Variants in SPACA6 observed in about 807,000 individuals in gnomAD.
SPACA6 encodes the protein sperm acrosome associated 6, also known as sperm acrosome membrane-associated protein 6.
For synonymous variants in SPACA6, 6 were observed against 1.5 expected, an observed-to-expected ratio of 4.05 and a Z score of -2.21; for missense variants, 8 against 2.8, an observed-to-expected ratio of 2.88 and a Z score of -1.34.
upstream of SPACA6, among the ~76,000 whole-genome samples, chr19:51,684,508 C>T (rs930030431): frequency 8.5e-5 from 13 of 152,092 alleles, no homozygotes; most frequent in Admixed American, 5.2e-4. Context: ...AGCCCAGACC[C>T]GACAACAATG....
downstream of SPACA6, among the ~76,000 whole-genome samples, chr19:51,712,862 C>A (rs1247661441): frequency 6.6e-6 from 1 of 152,206 alleles, no homozygotes; most frequent in Non-Finnish European, 1.5e-5. Context: ...GCACCATCTG[C>A]AGTACCTGCC....
chr19:51,689,586 A>G (rs2083352207), upstream of SPACA6: 1 of 131,226 alleles, frequency 7.6e-6, no homozygotes, highest in African/African-American at 2.9e-5. Flanking sequence ...GGGAGCCGTG[A>G]GTCTGCGGAA....
upstream of SPACA6, among the ~76,000 whole-genome samples, chr19:51,691,285 G>A (rs2083370048): frequency 1.3e-5 from 2 of 151,662 alleles, no homozygotes; most frequent in Admixed American, 1.3e-4. Context: ...GGGAAGGAGA[G>A]AGAGAGGGAG....
chr19:51,709,507 A>C (rs1041526944), downstream of SPACA6, among the ~76,000 whole-genome samples: 60 of 142,048 alleles, frequency 4.2e-4, no homozygotes, highest in African/African-American at 1.6e-3. Context: ...AAAAGAGCGA[A>C]ACTGCATCTC....
At chr19:51,684,159 C>T (rs2083318181), upstream of SPACA6, among the ~76,000 whole-genome samples, 1 of 152,084 alleles carries the variant, frequency 6.6e-6, no homozygotes, top group African/African-American at 2.4e-5. Flanking sequence ...GGCATCAGTG[C>T]TTGGACATTC....
intron 2 of SPACA6, among the ~76,000 whole-genome samples, chr19:51,710,637 TC>T (rs2083537331): frequency 6.6e-6 from 1 of 151,938 alleles, no homozygotes; most frequent in African/African-American, 2.4e-5. Flanking sequence ...TGTTTGGGAG[TC>T]CCGTCTCCAT....
chr19:51,702,357 A>G (rs2290282), intron 3 of SPACA6, among the ~76,000 whole-genome samples: 13,815 of 151,572 alleles, frequency 0.091, 864 homozygotes, highest in African/African-American at 0.18. Context: ...GCCCATCCCC[A>G]TCAGGGCCTA....
At chr19:51,698,360 A>T (rs1282585157) in intron 2 of SPACA6, among the ~76,000 whole-genome samples, 1 of 152,126 alleles carries the variant, frequency 6.6e-6, no homozygotes, top group East Asian at 1.9e-4. Flanking sequence ...AACCCAGGCC[A>T]CTTGGCCTGT....
chr19:51,691,807 G>A (rs924916341), upstream of SPACA6, among the ~76,000 whole-genome samples: 26 of 151,124 alleles, frequency 1.7e-4, no homozygotes, highest in African/African-American at 6.1e-4. Context: ...GAGCCCAGGG[G>A]TGGGGAGGGT....
chr19:51,699,884 G>A (rs1428569155), intron 2 of SPACA6, among the ~76,000 whole-genome samples: 1 of 152,098 alleles, frequency 6.6e-6, no homozygotes, highest in Non-Finnish European at 1.5e-5. Context: ...AAATCACCAC[G>A]AGATCAAGTC....
downstream of SPACA6, among the ~76,000 whole-genome samples, chr19:51,706,225 A>G (rs1014091487): frequency 6.6e-6 from 1 of 152,042 alleles, no homozygotes; most frequent in Non-Finnish European, 1.5e-5. Context: ...CGCATTCATC[A>G]TGATACTTCT....
At position 51,703,040 on chromosome 19, in the gene SPACA6, G is replaced by T; in HGVS notation, c.405G>T (p.Arg135=). ...CCACAGGTCTCCAGGAGTTCGCCCGGCGTTTCCTCTGCAGCGGGTGCTACT... is the reference window on the plus strand; with the variant it reads ...CCACAGGTCTCCAGGAGTTCGCCCGTCGTTTCCTCTGCAGCGGGTGCTACT... ...IPPCGLQEFA[R]RFLCSGCYSR... The change falls in exon 5 of 9, where the codon CGG becomes CGT. Residue 135 remains arginine, a synonymous_variant. Coordinates refer to ENST00000637797, the MANE Select transcript of SPACA6 (RefSeq NM_001316972.2). This position sits in a 1 kb window ranked among gnomAD's most constrained non-coding sequence, Gnocchi z 4.2. The T allele has an allele frequency of 2.5e-6, 1 of 399,254 alleles. No homozygotes were observed. The highest frequency in any genetic ancestry group is 4.4e-6 in the Non-Finnish European group (1 of 226,194). The allele number at this position is 399,254 out of a possible 1,614,324, so 24.7% of individuals were successfully genotyped here.
chr19:51,694,616 T>C (rs563154655), intron 2 of SPACA6, 61 bp downstream of exon 2: 31 of 399,354 alleles, frequency 7.8e-5, no homozygotes, highest in South Asian at 1.3e-4. Context: ...GAAATGGGTA[T>C]GTGGGAGGGC....
At chr19:51,697,088 A>G (rs969476054) in intron 2 of SPACA6, among the ~76,000 whole-genome samples, 15 of 152,190 alleles carry the variant, frequency 9.9e-5, no homozygotes, top group Admixed American at 9.2e-4. Context: ...GGGCCCAGAC[A>G]TGGACGTTTC....
chr19:51,697,265 TCTGGCAG>T lies in SPACA6; in HGVS notation c.292+2714_292+2720del, dbSNP rs1445126989. Among the ~76,000 whole-genome samples, 14 of 152,308 alleles carry T rather than the reference TCTGGCAG, an allele frequency of 9.2e-5. No individual in the cohort carries two copies. In the South Asian group the frequency reaches 1.0e-3, roughly 11 times the overall value. ...CTGACCTGGGATTTAACAAGATCTCTCTGGCAGCTGTATGGGGCCTGGACAAAGGCAG... is the reference window on the plus strand; with the variant it reads ...CTGACCTGGGATTTAACAAGATCTCTCTGTATGGGGCCTGGACAAAGGCAG... On this transcript the variant is annotated intron_variant, in intron 2 of 8. Transcript: ENST00000637797.
chr19:51,707,643 TTAATTC>T (rs1177520886), downstream of SPACA6, among the ~76,000 whole-genome samples: 2 of 152,176 alleles, frequency 1.3e-5, no homozygotes, highest in Non-Finnish European at 1.5e-5. Flanking sequence ...TATAATTCAT[TTAATTC>T]TAAAATCAAC....
At chr19:51,690,000 G>A (rs1337613750), upstream of SPACA6, among the ~76,000 whole-genome samples, 3 of 150,220 alleles carry the variant, frequency 2.0e-5, no homozygotes, top group African/African-American at 7.4e-5. Flanking sequence ...AGGGGTCAAG[G>A]GTGAGCCGTG....
upstream of SPACA6, chr19:51,692,700 C>T (rs1296423470): frequency 1.9e-6 from 1 of 533,590 alleles, no homozygotes; most frequent in Non-Finnish European, 3.9e-6. The surrounding 1 kb of genome is among the most constrained non-coding windows in gnomAD (Gnocchi z 5.6). Flanking sequence ...ACCATCGCGG[C>T]TGGGGCCTCC....
rs111473951 is a variant in SPACA6 at position 51,703,136 on chromosome 19, T to C, written c.463+38T>C. On this transcript the variant is annotated intron_variant, in intron 5 of 8. Transcript: ENST00000637797. The surrounding 1 kb of genome is among the most constrained non-coding windows in gnomAD (Gnocchi z 4.2). ...GGCCTCGGGGTGCAGGAGGCCAACC[T>C]GAGAAAAGGGACCAGAGCACCGAGG... The C allele has an allele frequency of 1.5e-5, 6 of 399,334 alleles. No homozygotes were observed. Among genetic ancestry groups the C allele is most frequent in the African/African-American group, 1.0e-4 (5 of 48,518 alleles). The allele number at this position is 399,334 out of a possible 1,614,324, so 24.7% of individuals were successfully genotyped here.
Sources: gnomAD v4.1 joint callset for allele counts (sites outside exome capture counted in the v4.1 genomes callset) on GRCh38, gnomAD v4.1.1 for gene constraint, Gnocchi (gnomAD v3.1) non-coding constraint, MANE v1.5 for transcripts, NCBI Gene and HGNC (gene_info 2026-07-23, HGNC 2026-07-21) for gene names.